The following AGPS variants were observed in gnomAD, a reference collection of about 807,000 sequenced individuals.
AGPS encodes alkyldihydroxyacetonephosphate synthase, peroxisomal.
In AGPS, 26 loss-of-function variants were observed where a neutral mutation model predicts 90.7. The ratio of observed to expected loss-of-function variants is 0.29; its 90% CI spans 0.21 to 0.40. AGPS has a LOEUF of 0.40. Among genes scored for constraint, AGPS ranks in the 10% least tolerant of loss-of-function variants. The pLI is 1.00. For missense variants in AGPS, 540 were observed against 816.1 expected (o/e 0.66, Z 4.12); for synonymous variants, 294 against 285.3 (o/e 1.03, Z -0.31).
rs1266407582 is a variant in AGPS, at chr2:177,542,205, G to GC, written c.*4011dup. ...AGCATAATCAAGTGCAAAATCAAGT[G>GC]CAACCTACTTGTGACTAAATCTCTT... On this transcript the variant is annotated 3_prime_UTR_variant, in exon 20 of 20. Transcript: ENST00000264167. 1.3e-5 allele frequency: 2 copies of GC among 152,086 alleles called. No individual in the cohort carries two copies. The highest frequency in any genetic ancestry group is 4.8e-5 in the African/African-American group (2 of 41,426). 9.4% of individuals were successfully genotyped at this position (152,086 alleles called of 1,614,324 possible). A position where few individuals can be genotyped will look rare whatever the true frequency, so the allele number is the denominator to read the frequency against.
intron 1 of AGPS, among the ~76,000 whole-genome samples, chr2:177,418,434 A>G (rs1685851818): frequency 6.6e-6 from 1 of 152,126 alleles, no homozygotes; most frequent in Admixed American, 6.5e-5. Context: ...GTTAAGCTAC[A>G]TAAACATGCC....
intron 17 of AGPS, among the ~76,000 whole-genome samples, chr2:177,517,231 A>C (rs550999221): frequency 6.6e-6 from 1 of 152,140 alleles, no homozygotes; most frequent in South Asian, 2.1e-4. Context: ...TCAGATATAT[A>C]TTATATATAT....
Position 177,482,087 on chromosome 2 carries a change from A to C in AGPS, c.1134A>C (p.Thr378=), listed in dbSNP as rs754149000. 12 of 1,604,632 alleles carry C rather than the reference A, an allele frequency of 7.5e-6. No individual in the cohort carries two copies. The change falls in exon 11 of 20, where the codon ACA becomes ACC. Residue 378 remains threonine (T), a synonymous_variant. Coordinates refer to ENST00000264167, the MANE Select transcript of AGPS (RefSeq NM_003659.4). The part of the protein sequence containing the change: ...EGTLGVITEA[T]IKIRPVPEYQ... ...CTCTTGGTGTAATAACAGAAGCTAC[A>C]ATAAAAATCAGACCAGTCCCTGAAT...
At chr2:177,483,996 C>G (rs1303614530) in intron 11 of AGPS, among the ~76,000 whole-genome samples, 1 of 116,712 alleles carries the variant, frequency 8.6e-6, no homozygotes, top group Non-Finnish European at 1.7e-5. Context: ...CATAAAAGAA[C>G]AGGAAGCTAG....
intron 10 of AGPS, among the ~76,000 whole-genome samples, chr2:177,476,265 T>A (rs761974757): frequency 5.3e-5 from 8 of 151,990 alleles, no homozygotes; most frequent in Non-Finnish European, 1.2e-4. Context: ...AGGTAGAAGG[T>A]TAGGCTATTT....
intron 11 of AGPS, among the ~76,000 whole-genome samples, chr2:177,484,693 A>C (rs1037609469): frequency 6.6e-6 from 1 of 152,022 alleles, no homozygotes; most frequent in Non-Finnish European, 1.5e-5. Flanking sequence ...TTCTTGTTCA[A>C]GTCTTGAATG....
At chr2:177,457,527 A>G (rs1039637809) in intron 8 of AGPS, among the ~76,000 whole-genome samples, 7 of 152,212 alleles carry the variant, frequency 4.6e-5, no homozygotes, top group African/African-American at 9.6e-5. Flanking sequence ...CAGAAATACA[A>G]ACTACCATCA....
At chr2:177,483,148 CTA>C (rs1484755640) in intron 11 of AGPS, among the ~76,000 whole-genome samples, 2 of 152,074 alleles carry the variant, frequency 1.3e-5, no homozygotes, top group African/African-American at 4.8e-5. Context: ...AGCAAGTAGT[CTA>C]TGTTTATCTT....
In AGPS at chr2:177,455,839, A is replaced by T. The variant is rs1163253464; in HGVS notation, c.871-6054A>T. On this transcript the variant is annotated intron_variant, in intron 8 of 19. Transcript: ENST00000264167. Reference sequence around the variant, plus strand: ...ATTGCTCTATAATATAAGCACCATAATTTAGGGATTTTTTAAGGAATATAT... The same window carrying T: ...ATTGCTCTATAATATAAGCACCATATTTTAGGGATTTTTTAAGGAATATAT... 2.0e-5 allele frequency among the ~76,000 whole-genome samples: 3 copies of T among 151,806 alleles called. No homozygotes were observed. The East Asian group carries it at 5.8e-4, about 29-fold the overall frequency.
At chr2:177,506,273 A>C (rs1688709218) in intron 15 of AGPS, among the ~76,000 whole-genome samples, 1 of 151,422 alleles carries the variant, frequency 6.6e-6, no homozygotes, top group Non-Finnish European at 1.5e-5. Context: ...CTTACTCTAA[A>C]AGGTCATTTT....
chr2:177,406,006 G>A (rs10497508), intron 1 of AGPS, among the ~76,000 whole-genome samples: 15,589 of 151,828 alleles, frequency 0.1, 1,160 homozygotes, highest in East Asian at 0.35. Context: ...CTTCACTTCC[G>A]CCATTATTTA....
At chr2:177,404,188 A>C (rs923216815) in intron 1 of AGPS, among the ~76,000 whole-genome samples, 11 of 152,186 alleles carry the variant, frequency 7.2e-5, no homozygotes, top group Non-Finnish European at 1.5e-4. Context: ...AAAGGAAATT[A>C]GATGTTCTAG....
Position 177,538,283 on chromosome 2 carries a change from A to G in AGPS, c.*88A>G. On this transcript the variant is annotated 3_prime_UTR_variant, in exon 20 of 20. Coordinates refer to ENST00000264167, the MANE Select transcript of AGPS (RefSeq NM_003659.4). ...CTAGTAATCAAATATATCATGGACT[A>G]TATTTTGGATACATTTGTTTCTTTG... is the stretch of plus-strand genomic sequence containing the variant. 4 of 1,347,206 alleles carry G rather than the reference A, an allele frequency of 3.0e-6. No individual in the cohort carries two copies. In the South Asian group the frequency reaches 5.0e-5, roughly 17 times the overall value. 83.5% of individuals were successfully genotyped at this position (1,347,206 alleles called of 1,614,324 possible).
At chr2:177,508,141 A>G in intron 16 of AGPS, 110 bp downstream of exon 16, 1 of 834,472 alleles carries the variant, frequency 1.2e-6, no homozygotes, top group Non-Finnish European at 2.0e-6. Context: ...ATGAAGAAAC[A>G]TTGAGACAAG....
In AGPS at chr2:177,444,450, A is replaced by G. The variant is rs539939022; in HGVS notation, c.790-1096A>G. Among the ~76,000 whole-genome samples the G allele has an allele frequency of 1.5e-4, 22 of 151,576 alleles. No homozygotes were observed. In the East Asian group the frequency reaches 4.1e-3, roughly 28 times the overall value. ...AAAAAAAAAAAAAAAAGAAAGAAAG[A>G]AATTACTACTGTCTTATAGTGAGAG... On this transcript the variant is annotated intron_variant, in intron 7 of 19. Coordinates refer to ENST00000264167, the MANE Select transcript of AGPS (RefSeq NM_003659.4).
intron 17 of AGPS, among the ~76,000 whole-genome samples, chr2:177,514,367 G>A (rs1688965712): frequency 6.6e-6 from 1 of 152,186 alleles, no homozygotes; most frequent in Non-Finnish European, 1.5e-5. Context: ...TCATGGGACT[G>A]TTGTAAAAAT....
At chr2:177,520,972 A>G (rs954382855) in intron 17 of AGPS, among the ~76,000 whole-genome samples, 3 of 152,226 alleles carry the variant, frequency 2.0e-5, no homozygotes, top group Admixed American at 1.3e-4. Flanking sequence ...TCCCAATAGA[A>G]GTTTTAGTAA....
At position 177,499,641 on chromosome 2, in the gene AGPS, G is replaced by A. The variant is rs1688502263; in HGVS notation, c.1386G>A (p.Gln462=). The A allele has an allele frequency of 6.2e-7, 1 of 1,610,060 alleles. No homozygotes were observed. The highest frequency in any genetic ancestry group is 2.2e-5 in the East Asian group (1 of 44,700). ...AGTTTAAAGGATTTGACCCAAATCA[G>A]CTAAGTGTAGCCACATTACTGTTTG... ...ITKFKGFDPN[Q]LSVATLLFEG... The change falls in exon 14 of 20, where the codon CAG becomes CAA. Residue 462 remains glutamine (Q), a synonymous_variant. Coordinates refer to ENST00000264167, the MANE Select transcript of AGPS (RefSeq NM_003659.4).
rs1297526111 is a variant in AGPS at position 177,395,796 on chromosome 2, TTATCACATGGTTGGTTA to T, written c.260+2758_260+2774del. Among the ~76,000 whole-genome samples, 3 of 152,254 alleles carry T rather than the reference TTATCACATGGTTGGTTA, an allele frequency of 2.0e-5. No homozygotes were observed. The East Asian group carries it at 5.8e-4, about 29-fold the overall frequency. On this transcript the variant is annotated intron_variant, in intron 1 of 19. Coordinates refer to ENST00000264167, the MANE Select transcript of AGPS (RefSeq NM_003659.4). ...GTAATTGTTTTATCACATGGTTGTT[TTATCACATGGTTGGTTA>T]TATCACATGGCCTGGAGTAGTGACT...
Sources: allele counts gnomAD v4.1 joint callset (sites outside exome capture counted in the v4.1 genomes callset), GRCh38; gene constraint gnomAD v4.1.1; transcripts MANE v1.5; gene names NCBI Gene and HGNC (gene_info 2026-07-23, HGNC 2026-07-21).